Variants in CDH8 observed in about 807,000 individuals in gnomAD.
The protein encoded by CDH8 is cadherin 8.
A neutral mutation model predicts 68.1 loss-of-function variants in CDH8; 17 were observed. That is an observed-to-expected ratio of 0.25 (90% CI 0.17 to 0.37). The LOEUF (loss-of-function observed/expected upper bound fraction) is 0.37, where lower values mean the gene tolerates loss of function less well. Ranked by LOEUF, CDH8 falls within the 10% of genes least tolerant of loss-of-function variation. The pLI is 1.00. For missense variants in CDH8, 763 were observed against 999.3 expected, an observed-to-expected ratio of 0.76 and a Z score of 3.19; for synonymous variants, 372 against 365.1, an observed-to-expected ratio of 1.02 and a Z score of -0.21.
At chr16:61,690,852 A>G (rs1472032352) in intron 10 of CDH8, among the ~76,000 whole-genome samples, 2 of 151,990 alleles carry the variant, frequency 1.3e-5, no homozygotes, top group Non-Finnish European at 2.9e-5. Context: ...CTCAAGGCTG[A>G]TTGCAGTCTA....
intron 2 of CDH8, among the ~76,000 whole-genome samples, chr16:61,977,287 T>C (rs143596347): frequency 3.3e-5 from 5 of 152,222 alleles, no homozygotes; most frequent in Non-Finnish European, 5.9e-5. Context: ...TCTGAGTAAG[T>C]AATGCAAGAA....
chr16:61,938,130 C>T (rs1964655625), intron 2 of CDH8: 1 of 152,020 alleles, frequency 6.6e-6, no homozygotes. Context: ...TTTAAATTCT[C>T]CAAATCATAT....
chr16:62,034,504 C>A (rs1463198793), intron 1 of CDH8, among the ~76,000 whole-genome samples: 1 of 152,044 alleles, frequency 6.6e-6, no homozygotes, highest in African/African-American at 2.4e-5. Flanking sequence ...AGAGAACAGG[C>A]GCTTCAAAAG....
intron 8 of CDH8, among the ~76,000 whole-genome samples, chr16:61,772,862 T>C (rs1960812983): frequency 6.6e-6 from 1 of 151,988 alleles, no homozygotes; most frequent in Non-Finnish European, 1.5e-5. Flanking sequence ...CCAAAAAATT[T>C]AAGAAACACC....
chr16:62,030,681 C>T (rs908949712), intron 1 of CDH8, among the ~76,000 whole-genome samples: 9 of 152,050 alleles, frequency 5.9e-5, no homozygotes, highest in Non-Finnish European at 1.3e-4. Context: ...ATTGTTCTGA[C>T]TGCAAATGAA....
chr16:61,911,371 A>T (rs1162421803), intron 2 of CDH8, among the ~76,000 whole-genome samples: 1 of 152,136 alleles, frequency 6.6e-6, no homozygotes, highest in East Asian at 1.9e-4. Flanking sequence ...AAATGTTTTA[A>T]ACAAATGGAT....
Position 61,652,791 on chromosome 16 carries a change from G to A in CDH8, c.*817C>T, listed in dbSNP as rs564239163. On this transcript the variant is annotated 3_prime_UTR_variant, in exon 12 of 12. Coordinates refer to ENST00000577390, the MANE Select transcript of CDH8 (RefSeq NM_001796.5). ...TCGAGGATTAAACAAATAAATTCACGCGCTAGCAATAAAACCATCTGTCTC... is the reference window on the plus strand; with the variant it reads ...TCGAGGATTAAACAAATAAATTCACACGCTAGCAATAAAACCATCTGTCTC... 227 of 1,335,560 alleles carry A rather than the reference G, an allele frequency of 1.7e-4. 1 individual carries two copies. The highest frequency in any genetic ancestry group is 1.5e-3 in the Middle Eastern group (7 of 4,686). The allele number at this position is 1,335,560 out of a possible 1,614,324, so 82.7% of individuals were successfully genotyped here.
intron 10 of CDH8, among the ~76,000 whole-genome samples, chr16:61,701,070 A>G (rs1964419911): frequency 6.6e-6 from 1 of 152,186 alleles, no homozygotes; most frequent in Non-Finnish European, 1.5e-5. Context: ...ATAAGAAAGA[A>G]TGAGATTAGA....
chr16:61,712,467 C>T (rs560016772), intron 10 of CDH8, among the ~76,000 whole-genome samples: 1 of 151,692 alleles, frequency 6.6e-6, no homozygotes, highest in African/African-American at 2.4e-5. Flanking sequence ...AAAAATAGTG[C>T]CTGATACTTA....
chr16:61,963,039 C>T (rs2150572590), intron 2 of CDH8, among the ~76,000 whole-genome samples: 1 of 152,192 alleles, frequency 6.6e-6, no homozygotes, highest in South Asian at 2.1e-4. Flanking sequence ...TAAAATTTTT[C>T]CTGTCGATAA....
chr16:61,699,537 T>C (rs1273904492), intron 10 of CDH8, among the ~76,000 whole-genome samples: 1 of 152,126 alleles, frequency 6.6e-6, no homozygotes, highest in Non-Finnish European at 1.5e-5. Context: ...CTCCATAACA[T>C]AGTCTTTTCA....
At position 61,684,332 on chromosome 16, in the gene CDH8, T is replaced by C. The variant is rs554868067; in HGVS notation, c.1655-28611A>G. ...TAAATTACTATGTTGCTAAATCCTGTGTTATTCACTCTCATTCATTCATTC... is the reference window on the plus strand; with the variant it reads ...TAAATTACTATGTTGCTAAATCCTGCGTTATTCACTCTCATTCATTCATTC... On this transcript the variant is annotated intron_variant, in intron 10 of 11. Coordinates refer to ENST00000577390, the MANE Select transcript of CDH8 (RefSeq NM_001796.5). 3.9e-5 allele frequency among the ~76,000 whole-genome samples: 6 copies of C among 152,038 alleles called. No individual in the cohort carries two copies. In the South Asian group the frequency reaches 1.2e-3, roughly 32 times the overall value.
intron 8 of CDH8, among the ~76,000 whole-genome samples, chr16:61,733,357 T>C (rs1488711568): frequency 6.6e-6 from 1 of 151,868 alleles, no homozygotes; most frequent in East Asian, 1.9e-4. Flanking sequence ...GGAATATAAC[T>C]GATTTGATAA....
At chr16:61,774,941 A>T (rs116843869) in intron 8 of CDH8, among the ~76,000 whole-genome samples, 424 of 152,320 alleles carry the variant, frequency 2.8e-3, no homozygotes, top group Non-Finnish European at 4.2e-3. Context: ...TAACACTTAC[A>T]GTAGCTTGTA....
At chr16:61,897,222 T>C (rs534790971) in intron 3 of CDH8, among the ~76,000 whole-genome samples, 1 of 152,080 alleles carries the variant, frequency 6.6e-6, no homozygotes, top group African/African-American at 2.4e-5. Context: ...TGTATGTATT[T>C]ACAAGTGCAT....
At chr16:61,729,807 T>C (rs990075696) in intron 8 of CDH8, among the ~76,000 whole-genome samples, 1 of 151,482 alleles carries the variant, frequency 6.6e-6, no homozygotes, top group Admixed American at 6.6e-5. Context: ...AGGGGCACAG[T>C]CTTAGAAAAC....
At chr16:61,866,332 T>G (rs572572829) in intron 3 of CDH8, among the ~76,000 whole-genome samples, 1 of 152,226 alleles carries the variant, frequency 6.6e-6, no homozygotes, top group South Asian at 2.1e-4. Context: ...AAGCACCAAC[T>G]TAGATGCAAA....
intron 2 of CDH8, among the ~76,000 whole-genome samples, chr16:61,935,767 T>C (rs970797385): frequency 4.6e-5 from 7 of 152,132 alleles, no homozygotes; most frequent in African/African-American, 1.7e-4. Context: ...TCTGTGCACC[T>C]TGAAAAAAGA....
chr16:61,837,388 G>T (rs1229852190), intron 4 of CDH8, among the ~76,000 whole-genome samples: 1 of 151,968 alleles, frequency 6.6e-6, no homozygotes, highest in Non-Finnish European at 1.5e-5. Flanking sequence ...TAAGAAAGTG[G>T]GTGGCACATA....
Sources: gnomAD v4.1 joint callset for allele counts (sites outside exome capture counted in the v4.1 genomes callset) on GRCh38, gnomAD v4.1.1 for gene constraint, MANE v1.5 for transcripts, NCBI Gene and HGNC (gene_info 2026-07-23, HGNC 2026-07-21) for gene names.